The following ACVR2A variants were observed in gnomAD, a reference collection of about 807,000 sequenced individuals.
The protein encoded by ACVR2A is activin receptor type-2A.
A neutral mutation model predicts 61.4 loss-of-function variants in ACVR2A; 7 were observed. The ratio of observed to expected loss-of-function variants is 0.11; its 90% confidence interval spans 0.06 to 0.21. ACVR2A has a LOEUF of 0.21. ACVR2A is among the 10% of genes least tolerant of loss of function. ACVR2A has a pLI of 1.00. For missense variants in ACVR2A, 322 were observed against 621.7 expected, an observed-to-expected ratio of 0.52 and a Z score of 5.13; for synonymous variants, 193 against 208.3, an observed-to-expected ratio of 0.93 and a Z score of 0.63.
intron 1 of ACVR2A, among the ~76,000 whole-genome samples, chr2:147,846,400 T>G (rs941799960): frequency 2.0e-5 from 3 of 151,176 alleles, no homozygotes; most frequent in East Asian, 1.9e-4. Flanking sequence ...GTGTGTGTGT[T>G]TGTGTGTTTG....
Position 147,876,251 on chromosome 2 carries a change from G to A in ACVR2A, c.56-20050G>A, listed in dbSNP as rs571912947. ...CACTGTTATTCTATTCTTGTAATTT[G>A]TCTCACTTTTTTGGCTTCCATGACT... On this transcript the variant is annotated intron_variant, in intron 1 of 10. Coordinates refer to ENST00000241416, the MANE Select transcript of ACVR2A (RefSeq NM_001616.5). Among the ~76,000 whole-genome samples, 4 of 151,962 alleles carry A rather than the reference G, an allele frequency of 2.6e-5. No homozygotes were observed. In the East Asian group the frequency reaches 7.7e-4, roughly 29 times the overall value.
At chr2:147,916,622 G>A (rs544105539) in intron 5 of ACVR2A, among the ~76,000 whole-genome samples, 4 of 151,950 alleles carry the variant, frequency 2.6e-5, no homozygotes, top group African/African-American at 9.6e-5. Context: ...GATGCAGAGA[G>A]TTTCTAAGGG....
At chr2:147,915,104 T>C in intron 4 of ACVR2A, 87 bp from the exon 5 acceptor site, 2 of 1,290,290 alleles carry the variant, frequency 1.6e-6, no homozygotes, top group Admixed American at 3.9e-5. Flanking sequence ...CAGTTGACTT[T>C]TCAGTATACT....
intron 7 of ACVR2A, among the ~76,000 whole-genome samples, chr2:147,919,505 T>G (rs1204201646): frequency 6.6e-6 from 1 of 152,158 alleles, no homozygotes; most frequent in Admixed American, 6.6e-5. Context: ...AGTGTCTGCT[T>G]GTGCTTTCAG....
At chr2:147,881,731 T>G (rs1184781417) in intron 1 of ACVR2A, among the ~76,000 whole-genome samples, 1 of 151,402 alleles carries the variant, frequency 6.6e-6, no homozygotes, top group Non-Finnish European at 1.5e-5. Context: ...ATTTGAAAAT[T>G]TATTCTTTTT....
chr2:147,857,340 A>ATATC (rs1685605656), intron 1 of ACVR2A, among the ~76,000 whole-genome samples: 1 of 152,098 alleles, frequency 6.6e-6, no homozygotes, highest in Admixed American at 6.5e-5. Flanking sequence ...TTTGTAATTA[A>ATATC]TATCTAGCCT....
chr2:147,883,574 A>G (rs1686361819), intron 1 of ACVR2A, among the ~76,000 whole-genome samples: 1 of 152,184 alleles, frequency 6.6e-6, no homozygotes, highest in Non-Finnish European at 1.5e-5. Flanking sequence ...AATACTCATA[A>G]TCTTGCTTCT....
intron 1 of ACVR2A, among the ~76,000 whole-genome samples, chr2:147,862,282 ATT>A (rs578169508): frequency 6.9e-5 from 10 of 144,776 alleles, no homozygotes; most frequent in Admixed American, 1.4e-4. Context: ...TCTAGGGCAG[ATT>A]TTTTTTTTTT....
At chr2:147,888,540 G>A (rs923669826) in intron 1 of ACVR2A, among the ~76,000 whole-genome samples, 3 of 152,108 alleles carry the variant, frequency 2.0e-5, no homozygotes, top group African/African-American at 4.8e-5. Context: ...CAGAGCAACC[G>A]TAACTGGTGT....
intron 4 of ACVR2A, among the ~76,000 whole-genome samples, chr2:147,905,544 G>A (rs967436950): frequency 6.6e-6 from 1 of 151,764 alleles, no homozygotes; most frequent in Non-Finnish European, 1.5e-5. Context: ...TGTCTTAGGC[G>A]TGAGCATTCT....
rs1206634126 is a variant in ACVR2A at position 147,915,795 on chromosome 2, T to A, written c.672+461T>A. 3.3e-5 allele frequency among the ~76,000 whole-genome samples: 5 copies of A among 152,000 alleles called. No homozygotes were observed. In the South Asian group the frequency reaches 1.0e-3, roughly 31 times the overall value. On this transcript the variant is annotated intron_variant, in intron 5 of 10. Coordinates refer to ENST00000241416, the MANE Select transcript of ACVR2A (RefSeq NM_001616.5). ...TTTAATTATTTCAGTTTTTGTTTGA[T>A]GCATTTTCAGAGGCAATCGAGACTT...
At chr2:147,925,787 T>A (rs933781423) in intron 9 of ACVR2A, 1 of 396,504 alleles carries the variant, frequency 2.5e-6, no homozygotes, top group East Asian at 4.1e-5. Flanking sequence ...TATACCTAGA[T>A]AAGAAAGCCC....
At chr2:147,869,274 T>C (rs906919096) in intron 1 of ACVR2A, among the ~76,000 whole-genome samples, 4 of 152,234 alleles carry the variant, frequency 2.6e-5, no homozygotes, top group Non-Finnish European at 5.9e-5. Context: ...GAAGTGTTAA[T>C]ATACGTATGC....
At chr2:147,889,336 T>C (rs982243802) in intron 1 of ACVR2A, among the ~76,000 whole-genome samples, 3 of 152,178 alleles carry the variant, frequency 2.0e-5, no homozygotes, top group African/African-American at 7.2e-5. Flanking sequence ...GGAAGTCTCT[T>C]TTGTTTCTGG....
intron 7 of ACVR2A, among the ~76,000 whole-genome samples, chr2:147,918,941 A>T (rs975299180): frequency 4.6e-5 from 7 of 152,050 alleles, no homozygotes; most frequent in African/African-American, 1.7e-4. Context: ...TGAAGGAGAG[A>T]CTTTGAATGT....
chr2:147,895,521 A>G (rs909823267), intron 1 of ACVR2A, among the ~76,000 whole-genome samples: 2 of 152,170 alleles, frequency 1.3e-5, no homozygotes, highest in Non-Finnish European at 2.9e-5. Context: ...CACTCTTGGT[A>G]CTGGAATTGC....
chr2:147,899,643 A>C, intron 3 of ACVR2A, 76 bp downstream of exon 3: 1 of 1,580,488 alleles, frequency 6.3e-7, no homozygotes, highest in Non-Finnish European at 8.7e-7. Flanking sequence ...TGATGGAATA[A>C]TTTGCCCCTA....
intron 1 of ACVR2A, among the ~76,000 whole-genome samples, chr2:147,875,845 G>A (rs1423652683): frequency 6.6e-6 from 1 of 152,046 alleles, no homozygotes; most frequent in Non-Finnish European, 1.5e-5. Flanking sequence ...CAAGTGTTTA[G>A]TATTACAGAA....
rs1323095103 is a variant in ACVR2A, at chr2:147,930,130, C to T, written c.*2856C>T. 6.6e-6 allele frequency: 1 copy of T among 152,390 alleles called. No individual in the cohort carries two copies. 9.4% of individuals were successfully genotyped at this position (152,390 alleles called of 1,614,324 possible). A position where few individuals can be genotyped will look rare whatever the true frequency, so the allele number is the denominator to read the frequency against. On this transcript the variant is annotated 3_prime_UTR_variant, in exon 11 of 11. Transcript: ENST00000241416. ...CACGATTGTTAGTCCCATGAACTTG[C>T]ACTATCTATCTTTCATGGTGATGTT...
Sources: allele counts gnomAD v4.1 joint callset (sites outside exome capture counted in the v4.1 genomes callset), GRCh38; gene constraint gnomAD v4.1.1; transcripts MANE v1.5; gene names NCBI Gene and HGNC (gene_info 2026-07-23, HGNC 2026-07-21).